Variants in VPS13D observed in about 807,000 individuals in gnomAD.
VPS13D encodes the protein intermembrane lipid transfer protein VPS13D.
VPS13D carries 187 observed loss-of-function variants against 461.9 expected under a neutral mutation model. The observed-to-expected ratio is 0.40, with a 90% confidence interval of 0.36 to 0.46. VPS13D has a LOEUF of 0.46. Among genes scored for constraint, VPS13D ranks in the 20% least tolerant of loss-of-function variants. The probability of loss-of-function intolerance (pLI) is 0.60; values close to 1 mark genes in which losing one functional copy is unlikely to be tolerated. For synonymous variants in VPS13D, 1,951 were observed against 1,986.3 expected (o/e 0.98, Z 0.47); for missense variants, 4,711 against 5,364.9 (o/e 0.88, Z 3.81).
chr1:12,319,124 T>G (rs1189027288), intron 31 of VPS13D, among the ~76,000 whole-genome samples: 1 of 152,196 alleles, frequency 6.6e-6, no homozygotes, highest in Non-Finnish European at 1.5e-5. Context: ...AGTAGCTGAG[T>G]CTTCTCCCTG....
intron 63 of VPS13D, among the ~76,000 whole-genome samples, chr1:12,411,042 G>C (rs1036122668): frequency 6.6e-6 from 1 of 152,116 alleles, no homozygotes; most frequent in East Asian, 1.9e-4. Flanking sequence ...TTTTTCTTGA[G>C]ATAAAGGAAA....
chr1:12,381,994 CTCCTTCCTTCCTTTCT>C (rs1179851745), intron 57 of VPS13D, among the ~76,000 whole-genome samples: 1 of 125,228 alleles, frequency 8.0e-6, no homozygotes, highest in Non-Finnish European at 1.6e-5. Context: ...CTCTCTCTCT[CTCCTTCCTTCCTTTCT>C]TCCTTCCTTC....
intron 57 of VPS13D, among the ~76,000 whole-genome samples, chr1:12,380,357 A>C (rs1337497309): frequency 6.6e-6 from 1 of 152,228 alleles, no homozygotes; most frequent in Non-Finnish European, 1.5e-5. Context: ...AAAGGGTTCT[A>C]TGACATGGTG....
At chr1:12,257,447 A>G (rs1231584422) in intron 9 of VPS13D, among the ~76,000 whole-genome samples, 1 of 152,200 alleles carries the variant, frequency 6.6e-6, no homozygotes, top group East Asian at 1.9e-4. Context: ...TTTGGTCAAC[A>G]TTTACATAGT....
chr1:12,482,792 A>G (rs886450563), intron 67 of VPS13D, among the ~76,000 whole-genome samples: 4 of 150,354 alleles, frequency 2.7e-5, no homozygotes, highest in African/African-American at 4.9e-5. Context: ...TAGTATACAT[A>G]TATATATACT....
In VPS13D at chr1:12,261,095, G is replaced by T. The variant is rs1239804475; in HGVS notation, c.1360G>T (p.Val454Phe). ...YGQQTPEGNVVEGLSAEQQEQ... is the reference protein window; with the variant it reads ...YGQQTPEGNVFEGLSAEQQEQ... Reference sequence around the variant, plus strand: ...GCAGCAGACCCCAGAAGGGAATGTGGTTGAGGGACTGTCAGCAGAGCAACA... The same window carrying T: ...GCAGCAGACCCCAGAAGGGAATGTGTTTGAGGGACTGTCAGCAGAGCAACA... The change falls in exon 12 of 70, where the codon GTT becomes TTT. Residue 454 changes from valine (V) to phenylalanine (F), a missense_variant. Around this residue, in one of 3 missense-constraint regions of VPS13D, gnomAD observed 4,411 missense variants for 4,937.8 expected, o/e 0.89. Coordinates refer to ENST00000620676, the MANE Select transcript of VPS13D (RefSeq NM_015378.4). The T allele has an allele frequency of 4.3e-6, 7 of 1,614,204 alleles. No individual in the cohort carries two copies. Among genetic ancestry groups the T allele is most frequent in the Non-Finnish European group, 5.9e-6 (7 of 1,180,044 alleles).
At chr1:12,456,382 A>G (rs887947618) in intron 66 of VPS13D, among the ~76,000 whole-genome samples, 4 of 152,016 alleles carry the variant, frequency 2.6e-5, no homozygotes, top group African/African-American at 2.4e-5. Context: ...TCAATCCTGT[A>G]ATCCCAGCAT....
intron 60 of VPS13D, among the ~76,000 whole-genome samples, chr1:12,399,173 A>G (rs1363132824): frequency 1.3e-5 from 2 of 152,106 alleles, no homozygotes; most frequent in African/African-American, 4.8e-5. Context: ...TGTGGACTTA[A>G]AAAATTACTT....
chr1:12,375,048 T>C (rs959902499), intron 55 of VPS13D, among the ~76,000 whole-genome samples: 5 of 152,238 alleles, frequency 3.3e-5, no homozygotes, highest in Non-Finnish European at 7.3e-5. Flanking sequence ...AGTATTTATT[T>C]TGATGCTCAG....
At chr1:12,499,358 G>A in intron 68 of VPS13D, 1 of 696,172 alleles carries the variant, frequency 1.4e-6, no homozygotes. Context: ...TCATTTGGGG[G>A]TTTTTTAGTC....
At chr1:12,396,490 G>A (rs1018571900) in intron 60 of VPS13D, among the ~76,000 whole-genome samples, 1 of 152,064 alleles carries the variant, frequency 6.6e-6, no homozygotes, top group Admixed American at 6.5e-5. Context: ...TACTTGGAAC[G>A]CTTTTCCTTT....
intron 65 of VPS13D, among the ~76,000 whole-genome samples, chr1:12,426,788 G>A (rs773972838): frequency 2.0e-5 from 3 of 152,014 alleles, no homozygotes; most frequent in African/African-American, 4.8e-5. Flanking sequence ...AGGCTGAGGC[G>A]GGTGGATCGC....
intron 65 of VPS13D, among the ~76,000 whole-genome samples, chr1:12,445,570 G>A (rs150387959): frequency 2.6e-5 from 4 of 152,308 alleles, no homozygotes; most frequent in African/African-American, 4.8e-5. Flanking sequence ...TTGGAATGAC[G>A]ACTGAAAGGC....
rs779976228 is a variant in VPS13D at position 12,282,964 on chromosome 1, C to T, written c.4862C>T (p.Thr1621Ile). Reference sequence around the variant, plus strand: ...AAATCCTTTACTCAGATTCAAGCCACCTTTTGTATATCAGAGCTTCAGGTT... The same window carrying T: ...AAATCCTTTACTCAGATTCAAGCCATCTTTTGTATATCAGAGCTTCAGGTT... The part of the protein sequence containing the change: ...EVKSFTQIQA[T>I]FCISELQVQL... Residue 1621 changes from threonine (T) to isoleucine (I), a missense_variant, in exon 21 of 70, where the codon ACC (threonine) becomes ATC (isoleucine). Transcript: ENST00000620676. 6.2e-7 allele frequency: 1 copy of T among 1,614,172 alleles called. No homozygotes were observed. The highest frequency in any genetic ancestry group is 8.5e-7 in the Non-Finnish European group (1 of 1,180,026).
At chr1:12,483,589 A>G (rs760899000) in intron 67 of VPS13D, among the ~76,000 whole-genome samples, 1 of 152,160 alleles carries the variant, frequency 6.6e-6, no homozygotes, top group Non-Finnish European at 1.5e-5. Flanking sequence ...CCAGATATTA[A>G]CAAAGTTTAT....
Position 12,345,409 on chromosome 1 carries a change from TGA to T in VPS13D, c.8925_8926del (p.Arg2975SerfsTer26). ...GACCTCCGGATTCATCAACTGCAAG[TGA>T]GAGTAAATGGCTGGGAGCAAGTGAG... On this transcript the variant is annotated frameshift_variant, in exon 43 of 70. Transcript: ENST00000620676. LOFTEE classifies it high-confidence loss of function. The T allele has an allele frequency of 6.2e-7, 1 of 1,613,550 alleles. No individual in the cohort carries two copies. Among genetic ancestry groups the T allele is most frequent in the South Asian group, 1.1e-5 (1 of 91,034 alleles).
In VPS13D at chr1:12,268,809, C is replaced by G; in HGVS notation, c.1905C>G (p.Ile635Met). 6.2e-7 allele frequency: 1 copy of G among 1,614,100 alleles called. No homozygotes were observed. Among genetic ancestry groups the G allele is most frequent in the Non-Finnish European group, 8.5e-7 (1 of 1,179,978 alleles). The stretch of plus-strand genomic sequence containing the variant: ...ATGTCAGCACAAGGCCCTTGAACAT[C>G]ATATACAATCCGCAGGCCATTAAAA... ...RLNVSTRPLN[I>M]IYNPQAIKKV... Residue 635 changes from isoleucine (I) to methionine (M), a missense_variant, in exon 16 of 70, where the codon ATC (isoleucine) becomes ATG (methionine). Physicochemically the swap from Ile to Met is conservative, Grantham distance 10. Coordinates refer to ENST00000620676, the MANE Select transcript of VPS13D (RefSeq NM_015378.4).
chr1:12,465,339 G>A (rs1645468299), intron 67 of VPS13D: 1 of 152,196 alleles, frequency 6.6e-6, no homozygotes, highest in Non-Finnish European at 1.5e-5. Context: ...CAAAAGTGGG[G>A]AGAGAAGTAG....
chr1:12,249,063 A>G (rs150725423), intron 5 of VPS13D, among the ~76,000 whole-genome samples, 160 bp from the exon 6 acceptor site: 1 of 152,334 alleles, frequency 6.6e-6, no homozygotes, highest in East Asian at 1.9e-4. Context: ...GTGTTTGTAT[A>G]AAGTGCCTGG....
Sources: gnomAD v4.1 joint callset for allele counts (sites outside exome capture counted in the v4.1 genomes callset) on GRCh38, gnomAD v4.1.1 for gene constraint, gnomAD v4.1.1 regional missense constraint, MANE v1.5 for transcripts, NCBI Gene and HGNC (gene_info 2026-07-23, HGNC 2026-07-21) for gene names.